Variants in NDUFS2 observed in about 807,000 individuals in gnomAD.
NDUFS2 encodes NADH:ubiquinone oxidoreductase core subunit S2, also known as NADH dehydrogenase [ubiquinone] iron-sulfur protein 2, mitochondrial.
In NDUFS2, 38 loss-of-function variants were observed where a neutral mutation model predicts 69.6. The observed-to-expected ratio is 0.55, with a 90% CI of 0.42 to 0.72. The LOEUF is 0.72. Among genes scored for constraint, NDUFS2 ranks in the 30% least tolerant of loss-of-function variants. The pLI, the probability that NDUFS2 is intolerant of heterozygous loss-of-function variation, is 0.00. For missense variants in NDUFS2, 468 were observed against 595.0 expected (o/e 0.79, Z 2.22); for synonymous variants, 194 against 211.2 (o/e 0.92, Z 0.70).
intron 2 of NDUFS2, among the ~76,000 whole-genome samples, chr1:161,205,564 CTG>C (rs1665414085): frequency 6.6e-6 from 1 of 152,184 alleles, no homozygotes; most frequent in Non-Finnish European, 1.5e-5. Flanking sequence ...AATTTGGCCT[CTG>C]TTCCTAGTTT....
chr1:161,207,541 G>A (rs1002052814), intron 3 of NDUFS2, among the ~76,000 whole-genome samples: 1 of 152,004 alleles, frequency 6.6e-6, no homozygotes, highest in Non-Finnish European at 1.5e-5. Context: ...ATTACTTGAG[G>A]TCAGGAGTTT....
rs776361999 is a variant in NDUFS2 at position 161,206,443 on chromosome 1, T to C, written c.239T>C (p.Ile80Thr). The C allele has an allele frequency of 1.1e-5, 17 of 1,614,232 alleles. No individual in the cohort carries two copies. The highest frequency in any genetic ancestry group is 1.4e-5 in the Non-Finnish European group (17 of 1,180,040). Residue 80 changes from isoleucine to threonine, a missense_variant, in exon 3 of 14, where the codon ATT becomes ACT. By Grantham distance (89) the Ile-to-Thr change is moderately conservative (BLOSUM62 -1). This residue lies in a region of NDUFS2 where 339 missense variants were observed against 433.8 expected (regional missense o/e 0.78). Coordinates refer to ENST00000676972, the MANE Select transcript of NDUFS2 (RefSeq NM_001377299.1). ...DPPKDTIVKN[I>T]TLNFGPQHPA... ...CCAAAGGACACAATTGTGAAGAACA[T>C]TACCCTGAACTTTGGGCCCCAACAC... is the stretch of plus-strand genomic sequence containing the variant.
rs1665278562 is a variant in NDUFS2 at position 161,203,509 on chromosome 1, A to C, written c.168A>C (p.Lys56Asn). The C allele has an allele frequency of 2.5e-6, 4 of 1,614,042 alleles. No homozygotes were observed. The Admixed American group carries it at 5.0e-5, about 20-fold the overall frequency. ...QFGGAVMYPS[K>N]ETAHWKPPPW... ...GGGGAGCTGTTATGTACCCAAGCAA[A>C]GAAACAGCCCACTGGAAGCCTCCAC... Residue 56 changes from lysine (K) to asparagine (N), a missense_variant, in exon 2 of 14, where the codon AAA (lysine) becomes AAC (asparagine). Transcript: ENST00000676972.
At chr1:161,209,061 G>C (rs1665628160) in intron 3 of NDUFS2, 132 bp from the exon 4 acceptor site, 1 of 1,217,456 alleles carries the variant, frequency 8.2e-7, no homozygotes, top group African/African-American at 1.5e-5. Context: ...TACCTGCCTT[G>C]TTGGGGCTCC....
intron 2 of NDUFS2, among the ~76,000 whole-genome samples, chr1:161,204,794 G>A (rs916879077): frequency 2.0e-5 from 3 of 152,060 alleles, no homozygotes; most frequent in South Asian, 2.1e-4. Flanking sequence ...GCCCGGATGC[G>A]GTGGCTCACA....
intron 3 of NDUFS2, among the ~76,000 whole-genome samples, chr1:161,207,613 A>T (rs1343858078): frequency 6.6e-6 from 1 of 151,514 alleles, no homozygotes; most frequent in Non-Finnish European, 1.5e-5. Context: ...AATTAGCCAG[A>T]CGTGGTGGTG....
rs1274473651 is a variant in NDUFS2, at chr1:161,209,273, G to A, written c.474G>A (p.Leu158=). The change falls in exon 4 of 14, where the codon TTG becomes TTA. Residue 158 remains leucine (L), a synonymous_variant. Transcript: ENST00000676972. ...EQAYSLAVEK[L]LNIRPPPRAQ... ...CCTATTCTCTAGCTGTGGAGAAGTT[G>A]CTAAACATCCGGCCTCCTCCTCGGG... 6.2e-7 allele frequency: 1 copy of A among 1,614,026 alleles called. No individual in the cohort carries two copies. The highest frequency in any genetic ancestry group is 8.5e-7 in the Non-Finnish European group (1 of 1,180,046).
intron 1 of NDUFS2, among the ~76,000 whole-genome samples, 183 bp downstream of exon 1, chr1:161,202,663 C>G (rs1012242268): frequency 1.3e-5 from 2 of 152,112 alleles, no homozygotes; most frequent in African/African-American, 2.4e-5. Context: ...GTCTAGAGTT[C>G]GTTCGTGCCG....
chr1:161,204,323 C>T lies in NDUFS2; in HGVS notation c.202+780C>T, dbSNP rs149528049. On this transcript the variant is annotated intron_variant, in intron 2 of 13. Coordinates refer to ENST00000676972, the MANE Select transcript of NDUFS2 (RefSeq NM_001377299.1). ...TCCCTCAGGATTGAAACTTTTTAGTCATCTTTGGCTGTTTTATCTTGCCCT... is the reference window on the plus strand; with the variant it reads ...TCCCTCAGGATTGAAACTTTTTAGTTATCTTTGGCTGTTTTATCTTGCCCT... 3.1e-3 allele frequency among the ~76,000 whole-genome samples: 470 copies of T among 152,308 alleles called. 4 individuals carry two copies. Among genetic ancestry groups the T allele is most frequent in the South Asian group, 0.021 (100 of 4,832 alleles).
At chr1:161,206,867 A>G (rs1665497135) in intron 3 of NDUFS2, among the ~76,000 whole-genome samples, 2 of 152,144 alleles carry the variant, frequency 1.3e-5, no homozygotes, top group African/African-American at 4.8e-5. Context: ...CCATTACTTG[A>G]GTGCCTCAGT....
At chr1:161,209,763 G>T (rs1665666985) in intron 5 of NDUFS2, 94 bp from the exon 6 acceptor site, 5 of 1,424,062 alleles carry the variant, frequency 3.5e-6, no homozygotes, top group Non-Finnish European at 4.9e-6. Context: ...TGAGGGGTTG[G>T]TTGGGCACAA....
At chr1:161,203,365 G>T in intron 1 of NDUFS2, 72 bp from the exon 2 acceptor site, 2 of 1,317,236 alleles carry the variant, frequency 1.5e-6, no homozygotes, top group Non-Finnish European at 2.2e-6. Context: ...GGGTCCCCTT[G>T]AGAGTGAATG....
chr1:161,213,341 G>T, intron 10 of NDUFS2, 39 bp from the exon 11 acceptor site: 6 of 1,412,000 alleles, frequency 4.2e-6, no homozygotes, highest in Non-Finnish European at 4.0e-6. Context: ...GACAGAGTTT[G>T]GATATGGTTT....
intron 2 of NDUFS2, among the ~76,000 whole-genome samples, chr1:161,204,826 G>T (rs1423276880): frequency 6.6e-6 from 1 of 152,134 alleles, no homozygotes; most frequent in South Asian, 2.1e-4. Flanking sequence ...CGAGGTGGGC[G>T]GATCACCTTA....
chr1:161,201,011 A>C (rs1665093233), upstream of NDUFS2, among the ~76,000 whole-genome samples: 1 of 152,178 alleles, frequency 6.6e-6, no homozygotes, highest in African/African-American at 2.4e-5. Flanking sequence ...AGGCTGGATC[A>C]AGGCAAATAA....
chr1:161,206,554 A>G lies in NDUFS2; in HGVS notation c.350A>G (p.His117Arg). 1.2e-6 allele frequency: 2 copies of G among 1,614,126 alleles called. No homozygotes were observed. The highest frequency in any genetic ancestry group is 1.7e-6 in the Non-Finnish European group (2 of 1,180,044). ...RKCDPHIGLL[H>R]RGTEKLIEYK... The stretch of plus-strand genomic sequence containing the variant: ...TGTGATCCTCACATCGGGCTCCTGC[A>G]CCGAGGCACTGAGAAGCTCATTGAA... The change falls in exon 3 of 14, where the codon CAC becomes CGC. Residue 117 changes from histidine (H) to arginine (R), a missense_variant. Physicochemically the swap from His to Arg is conservative, Grantham distance 29. Around this residue, in one of 3 missense-constraint regions of NDUFS2, gnomAD observed 339 missense variants for 433.8 expected, o/e 0.78. Coordinates refer to ENST00000676972, the MANE Select transcript of NDUFS2 (RefSeq NM_001377299.1).
intron 2 of NDUFS2, 101 bp from the exon 3 acceptor site, chr1:161,206,306 G>T: frequency 8.4e-7 from 1 of 1,188,570 alleles, no homozygotes; most frequent in South Asian, 1.3e-5. Flanking sequence ...AGTATGGAAT[G>T]GTGAGTTAGA....
chr1:161,202,375 G>A lies in NDUFS2; in HGVS notation c.-11G>A. 1 of 1,608,980 alleles carries A rather than the reference G, an allele frequency of 6.2e-7. No homozygotes were observed. On this transcript the variant is annotated 5_prime_UTR_variant, in exon 1 of 14. Transcript: ENST00000676972. ...CCGGTTCTCCTTCCCGCAGTCTGCA[G>A]CCGGAGTAAGATGGCGGCGCTGAGG...
intron 9 of NDUFS2, among the ~76,000 whole-genome samples, chr1:161,211,094 C>T (rs1484320161): frequency 6.6e-6 from 1 of 152,164 alleles, no homozygotes; most frequent in African/African-American, 2.4e-5. Context: ...AGGCTGGTCT[C>T]AAGCTCCTGA....
Sources: allele counts gnomAD v4.1 joint callset (sites outside exome capture counted in the v4.1 genomes callset), GRCh38; gene constraint gnomAD v4.1.1; regional missense constraint gnomAD v4.1.1; transcripts MANE v1.5; gene names NCBI Gene and HGNC (gene_info 2026-07-23, HGNC 2026-07-21).